Variants in PLK1 observed in about 807,000 individuals in gnomAD.
The protein encoded by PLK1 is polo like kinase 1, also known as serine/threonine-protein kinase PLK1.
PLK1 carries 6 observed loss-of-function variants against 56.7 expected under a neutral mutation model. The ratio of observed to expected loss-of-function variants is 0.11; its 90% CI spans 0.06 to 0.21. The LOEUF (loss-of-function observed/expected upper bound fraction) is 0.21, where lower values mean the gene tolerates loss of function less well. PLK1 is among the 10% of genes least tolerant of loss of function. The probability of loss-of-function intolerance (pLI) is 1.00; values close to 1 mark genes in which losing one functional copy is unlikely to be tolerated. For missense variants in PLK1, 546 were observed against 814.4 expected, an observed-to-expected ratio of 0.67 and a Z score of 4.01; for synonymous variants, 298 against 325.0, an observed-to-expected ratio of 0.92 and a Z score of 0.89.
chr16:23,680,395 T>A (rs755093724), intron 2 of PLK1, 143 bp downstream of exon 2: 77 of 624,216 alleles, frequency 1.2e-4, no homozygotes, highest in Non-Finnish European at 1.8e-4. Flanking sequence ...AATGCAATAT[T>A]TTTTTTTTAC....
intron 1 of PLK1, 43 bp downstream of exon 1, chr16:23,679,383 T>C (rs1243078339): frequency 4.4e-6 from 7 of 1,573,284 alleles, no homozygotes; most frequent in Non-Finnish European, 6.1e-6. Context: ...TGCGGGGCAG[T>C]TGGAGCGCCC....
rs1049166027 is a variant in PLK1, at chr16:23,678,889, G to C, written c.-44G>C. ...AATTCGGGGAGGAGCGGAGCGGTGC[G>C]GAGGCTCTGCTCGGATCGAGGTCTG... On this transcript the variant is annotated 5_prime_UTR_variant, in exon 1 of 10. Coordinates refer to ENST00000300093, the MANE Select transcript of PLK1 (RefSeq NM_005030.6). 7 of 1,426,182 alleles carry C rather than the reference G, an allele frequency of 4.9e-6. No individual in the cohort carries two copies. The highest frequency in any genetic ancestry group is 2.7e-5 in the Admixed American group (1 of 37,022). The allele number at this position is 1,426,182 out of a possible 1,614,324, so 88.3% of individuals were successfully genotyped here.
intron 6 of PLK1, among the ~76,000 whole-genome samples, chr16:23,688,168 A>G (rs1053227190): frequency 6.6e-6 from 1 of 152,196 alleles, no homozygotes; most frequent in Non-Finnish European, 1.5e-5. Flanking sequence ...CATGCACTGA[A>G]CGTAACATTT....
At chr16:23,679,424 C>T in intron 1 of PLK1, 84 bp downstream of exon 1, 2 of 1,310,448 alleles carry the variant, frequency 1.5e-6, no homozygotes, top group Non-Finnish European at 2.1e-6. Flanking sequence ...GAGTACCCAG[C>T]AAGGGAGAGC....
intron 5 of PLK1, 50 bp downstream of exon 5, chr16:23,684,139 G>A (rs1041012484): frequency 7.0e-7 from 1 of 1,431,338 alleles, no homozygotes; most frequent in Non-Finnish European, 9.9e-7. Flanking sequence ...GAAAGCCCAG[G>A]TTGTAGGGGT....
At chr16:23,681,853 G>C (rs1959335752) in intron 3 of PLK1, among the ~76,000 whole-genome samples, 1 of 152,142 alleles carries the variant, frequency 6.6e-6, no homozygotes, top group Non-Finnish European at 1.5e-5. Context: ...AAGAATCCTG[G>C]TCTCACCATG....
chr16:23,681,927 G>C (rs2140998189), intron 3 of PLK1, 137 bp from the exon 4 acceptor site: 1 of 624,996 alleles, frequency 1.6e-6, no homozygotes, highest in Admixed American at 2.8e-5. Context: ...AGTGGACTTA[G>C]GGATTGTCTT....
chr16:23,687,847 G>A (rs1274936971), intron 6 of PLK1: 7 of 361,780 alleles, frequency 1.9e-5, no homozygotes, highest in Non-Finnish European at 3.0e-5. Flanking sequence ...ACCTTCATAC[G>A]CTGTTTCTTT....
intron 2 of PLK1, among the ~76,000 whole-genome samples, 164 bp from the exon 3 acceptor site, chr16:23,680,750 G>C (rs1329806748): frequency 1.3e-5 from 2 of 152,228 alleles, no homozygotes; most frequent in African/African-American, 4.8e-5. Flanking sequence ...CCTGGTGTCA[G>C]CATGGGAGGA....
Position 23,690,281 on chromosome 16 carries a change from C to T in PLK1, c.*218C>T, listed in dbSNP as rs567994154. 1.7e-6 allele frequency: 1 copy of T among 598,304 alleles called. No homozygotes were observed. Among genetic ancestry groups the T allele is most frequent in the East Asian group, 2.8e-5 (1 of 36,152 alleles). 37.1% of individuals were successfully genotyped at this position (598,304 alleles called of 1,614,324 possible). On this transcript the variant is annotated 3_prime_UTR_variant, in exon 10 of 10. Coordinates refer to ENST00000300093, the MANE Select transcript of PLK1 (RefSeq NM_005030.6). ...GCCTTGTCCCCCTCCCCCTCAACCCCACCATATGAATTGTACAGAATATTT... is the reference window on the plus strand; with the variant it reads ...GCCTTGTCCCCCTCCCCCTCAACCCTACCATATGAATTGTACAGAATATTT...
chr16:23,682,034 C>G (rs1272947682), intron 3 of PLK1, 30 bp from the exon 4 acceptor site: 2 of 1,167,834 alleles, frequency 1.7e-6, no homozygotes, highest in Non-Finnish European at 2.6e-6. Context: ...GGCTGGGAGA[C>G]TGGTGCCAAA....
chr16:23,684,148 G>GT (rs1328420855), intron 5 of PLK1, 59 bp downstream of exon 5: 5 of 1,353,656 alleles, frequency 3.7e-6, no homozygotes, highest in Non-Finnish European at 5.3e-6. Context: ...GGTTGTAGGG[G>GT]TGTGTGCAGC....
At chr16:23,681,817 C>T (rs1049753554) in intron 3 of PLK1, among the ~76,000 whole-genome samples, 3 of 152,184 alleles carry the variant, frequency 2.0e-5, no homozygotes, top group African/African-American at 7.2e-5. Context: ...TGACCACAGG[C>T]TATAGCTAAA....
intron 3 of PLK1, 56 bp from the exon 4 acceptor site, chr16:23,682,008 C>T: frequency 1.1e-6 from 1 of 918,046 alleles, no homozygotes; most frequent in Admixed American, 1.8e-5. Context: ...GATGATTTCT[C>T]TCATGTCTGG....
chr16:23,681,435 C>CTTAAACA (rs1959329745), intron 3 of PLK1, among the ~76,000 whole-genome samples: 1 of 152,142 alleles, frequency 6.6e-6, no homozygotes, highest in Non-Finnish European at 1.5e-5. Flanking sequence ...CTTGGTGATT[C>CTTAAACA]CCTTGCACAA....
intron 6 of PLK1, 24 bp downstream of exon 6, chr16:23,687,648 G>T (rs527547736): frequency 6.7e-7 from 1 of 1,501,982 alleles, no homozygotes; most frequent in South Asian, 1.3e-5. Flanking sequence ...GGCCCTGGGC[G>T]GGGCAGGATT....
Position 23,689,885 on chromosome 16 carries a change from C to A in PLK1, c.1634C>A (p.Pro545Gln). ...FQDHTKLILC[P>Q]LMAAVTYIDE... The stretch of plus-strand genomic sequence containing the variant: ...GATCACACCAAGCTCATCTTGTGCC[C>A]ACTGATGGCAGCCGTGACCTACATC... The change falls in exon 10 of 10, where the codon CCA becomes CAA. Residue 545 changes from proline (P) to glutamine (Q), a missense_variant. Around this residue, in one of 7 missense-constraint regions of PLK1, gnomAD observed 113 missense variants for 202.0 expected, o/e 0.56. Coordinates refer to ENST00000300093, the MANE Select transcript of PLK1 (RefSeq NM_005030.6). The surrounding 1 kb of genome is among the most constrained non-coding windows in gnomAD (Gnocchi z 4.8). 1 of 1,614,056 alleles carries A rather than the reference C, an allele frequency of 6.2e-7. No homozygotes were observed. Among genetic ancestry groups the A allele is most frequent in the Non-Finnish European group, 8.5e-7 (1 of 1,179,934 alleles).
At chr16:23,679,550 A>G (rs1274255815) in intron 1 of PLK1, 5 of 557,998 alleles carry the variant, frequency 9.0e-6, no homozygotes, top group Non-Finnish European at 3.2e-6. Context: ...GTTCCAGTGA[A>G]GTGGAGTCTG....
Position 23,678,992 on chromosome 16 carries a change from C to T in PLK1, c.60C>T (p.Ala20=), listed in dbSNP as rs756843600. 3.7e-6 allele frequency: 6 copies of T among 1,601,432 alleles called. No individual in the cohort carries two copies. In the Admixed American group the frequency reaches 5.1e-5, roughly 14 times the overall value. Residue 20 remains alanine (A), a synonymous_variant, in exon 1 of 10, where the codon GCC becomes GCT. Transcript: ENST00000300093. ...GGGCACCGGCCGACCCTGGGAAAGC[C>T]GGGGTCCCCGGAGTTGCAGCTCCCG... is the stretch of plus-strand genomic sequence containing the variant. ...LARAPADPGK[A]GVPGVAAPGA...
Sources: gnomAD v4.1 joint callset for allele counts (sites outside exome capture counted in the v4.1 genomes callset) on GRCh38, gnomAD v4.1.1 for gene constraint, gnomAD v4.1.1 regional missense constraint, Gnocchi (gnomAD v3.1) non-coding constraint, MANE v1.5 for transcripts, NCBI Gene and HGNC (gene_info 2026-07-23, HGNC 2026-07-21) for gene names.